ANO1: variants seen among roughly 807,000 people sequenced by gnomAD.
ANO1 encodes anoctamin-1.
Under a neutral mutation model 124.0 loss-of-function variants are expected in ANO1, and 59 were observed. The ratio of observed to expected loss-of-function variants is 0.48; its 90% CI spans 0.39 to 0.59. The LOEUF (loss-of-function observed/expected upper bound fraction) is 0.59. Ranked by LOEUF, ANO1 falls within the 20% of genes least tolerant of loss-of-function variation. The pLI is 0.00. For synonymous variants in ANO1, 529 were observed against 532.0 expected (o/e 0.99, Z 0.08); for missense variants, 1,059 against 1,328.0 (o/e 0.80, Z 3.15).
At chr11:70,147,526 C>T (rs2047431045) in intron 11 of ANO1, among the ~76,000 whole-genome samples, 1 of 152,254 alleles carries the variant, frequency 6.6e-6, no homozygotes, top group Admixed American at 6.5e-5. Context: ...GCCATTCCCT[C>T]ACCTGCTCAG....
At position 70,174,097 on chromosome 11, in the gene ANO1, G is replaced by C. The variant is rs561013437; in HGVS notation, c.2350+3058G>C. On this transcript the variant is annotated intron_variant, in intron 22 of 25. Coordinates refer to ENST00000355303, the MANE Select transcript of ANO1 (RefSeq NM_018043.7). ...ACTACAGGTGCCCGCCACCACGCTTGGCTGATTTTTTTGTATTTTTTTAGT... is the reference window on the plus strand; with the variant it reads ...ACTACAGGTGCCCGCCACCACGCTTCGCTGATTTTTTTGTATTTTTTTAGT... Among the ~76,000 whole-genome samples, 334 of 150,994 alleles carry C rather than the reference G, an allele frequency of 2.2e-3. 1 individual carries two copies. Among genetic ancestry groups the C allele is most frequent in the Middle Eastern group, 0.01 (3 of 294 alleles).
rs1193449991 is a variant in ANO1, at chr11:70,032,542, G to GA, written c.59-46000_59-45999insA. Among the ~76,000 whole-genome samples, 4 of 151,504 alleles carry GA rather than the reference G, an allele frequency of 2.6e-5. No homozygotes were observed. In the South Asian group the frequency reaches 8.4e-4, roughly 32 times the overall value. Reference sequence around the variant, plus strand: ...AGCAGAGGGAGGCGGGAGAGGGGGGGGGTCTCTGAAGGGTAGAATCCGCAG... The same window carrying GA: ...AGCAGAGGGAGGCGGGAGAGGGGGGGAGGTCTCTGAAGGGTAGAATCCGCAG... On this transcript the variant is annotated intron_variant, in intron 1 of 27. Coordinates refer to the ANO1 transcript ENST00000531349.
intron 1 of ANO1, among the ~76,000 whole-genome samples, chr11:70,063,219 G>A (rs537897577): frequency 6.6e-5 from 10 of 152,190 alleles, no homozygotes; most frequent in Non-Finnish European, 8.8e-5. Flanking sequence ...GCGCCCAGCC[G>A]ATAATGATTT....
At position 70,154,322 on chromosome 11, in the gene ANO1, G is replaced by A. The variant is rs1179613390; in HGVS notation, c.1425+1194G>A. Among the ~76,000 whole-genome samples, 15 of 152,188 alleles carry A rather than the reference G, an allele frequency of 9.9e-5. No individual in the cohort carries two copies. The South Asian group carries it at 1.5e-3, about 15-fold the overall frequency. Reference sequence around the variant, plus strand: ...CAGTGCTCACAGGTCCAAAGTGGCCGGGGGTTACAGTTGCCAAAATCCCAT... The same window carrying A: ...CAGTGCTCACAGGTCCAAAGTGGCCAGGGGTTACAGTTGCCAAAATCCCAT... On this transcript the variant is annotated intron_variant, in intron 14 of 25. Coordinates refer to ENST00000355303, the MANE Select transcript of ANO1 (RefSeq NM_018043.7).
intron 11 of ANO1, among the ~76,000 whole-genome samples, chr11:70,140,863 C>T (rs547004726): frequency 4.6e-5 from 7 of 152,288 alleles, no homozygotes; most frequent in Admixed American, 3.9e-4. Flanking sequence ...CAATCTGTCC[C>T]TTAATGTAAA....
At chr11:70,137,533 G>A (rs2046996958) in intron 11 of ANO1, among the ~76,000 whole-genome samples, 1 of 144,266 alleles carries the variant, frequency 6.9e-6, no homozygotes, top group African/African-American at 2.4e-5. Flanking sequence ...GACCCAGGAG[G>A]CTGTGACTCC....
At position 70,087,998 on chromosome 11, in the gene ANO1, T is replaced by C; in HGVS notation, c.355T>C (p.Tyr119His). 1 of 1,556,544 alleles carries C rather than the reference T, an allele frequency of 6.4e-7. No homozygotes were observed. The highest frequency in any genetic ancestry group is 1.2e-5 in the South Asian group (1 of 82,584). ...AGGCTCGGGGGAGCCCCCGATGGAC[T>C]ACCACGAGGATGACAAGCGCTTCCG... ...DAGSGEPPMDYHEDDKRFRRE... is the reference protein window; with the variant it reads ...DAGSGEPPMDHHEDDKRFRRE... The change falls in exon 2 of 26, where the codon TAC (tyrosine) becomes CAC (histidine). Residue 119 changes from tyrosine (Y) to histidine (H), a missense_variant. Coordinates refer to ENST00000355303, the MANE Select transcript of ANO1 (RefSeq NM_018043.7).
intron 8 of ANO1, among the ~76,000 whole-genome samples, chr11:70,122,513 A>C (rs1209509787): frequency 2.8e-3 from 177 of 62,822 alleles, no homozygotes; most frequent in Admixed American, 5.0e-3. Flanking sequence ...CGTCTCCCTC[A>C]CCTCTCTCTG....
upstream of ANO1, among the ~76,000 whole-genome samples, chr11:69,984,404 G>A (rs1312343510): frequency 1.0e-5 from 1 of 95,592 alleles, no homozygotes; most frequent in African/African-American, 3.6e-5. Context: ...TTCTGAGTCC[G>A]GACTGAAACG....
chr11:70,181,326 G>A (rs2048920755), intron 23 of ANO1, among the ~76,000 whole-genome samples: 1 of 152,174 alleles, frequency 6.6e-6, no homozygotes, highest in Admixed American at 6.5e-5. Flanking sequence ...CCCACAGAGG[G>A]CAGGGGGTGA....
intron 1 of ANO1, among the ~76,000 whole-genome samples, chr11:69,996,715 G>A (rs12284684): frequency 0.1 from 15,896 of 152,188 alleles, 957 homozygotes; most frequent in South Asian, 0.18. Context: ...CTGGCTCCAA[G>A]TCCAGCATTC....
chr11:70,124,537 C>T (rs1457713224), intron 9 of ANO1, 123 bp downstream of exon 9: 2 of 978,138 alleles, frequency 2.0e-6, no homozygotes, highest in East Asian at 2.6e-5. Flanking sequence ...ACTCAAAGAG[C>T]TTGTGTAGGA....
intron 1 of ANO1, among the ~76,000 whole-genome samples, chr11:70,049,855 G>C (rs1381959170): frequency 6.6e-6 from 1 of 152,150 alleles, no homozygotes; most frequent in East Asian, 1.9e-4. Flanking sequence ...TGAGTAGCTA[G>C]GATTTCAGGT....
In ANO1 at chr11:70,018,901, A is replaced by G. The variant is rs1191956739; in HGVS notation, c.58+32735A>G. 2.0e-5 allele frequency among the ~76,000 whole-genome samples: 3 copies of G among 152,220 alleles called. No individual in the cohort carries two copies. The East Asian group carries it at 5.8e-4, about 29-fold the overall frequency. On this transcript the variant is annotated intron_variant, in intron 1 of 27. Transcript: ENST00000531349. ...GGAGCTCAGTACCGGGGACATGGCC[A>G]AAAATAGGCAGCCTCAGTCTCAGCT... is the stretch of plus-strand genomic sequence containing the variant.
chr11:70,089,449 T>A (rs11233665), intron 2 of ANO1, among the ~76,000 whole-genome samples: 95,221 of 151,424 alleles, frequency 0.63, 30,055 homozygotes, highest in East Asian at 0.73. Context: ...TTCCTTGAAA[T>A]CAATGGAACG....
At chr11:70,106,065 G>C (rs545329638) in intron 5 of ANO1, among the ~76,000 whole-genome samples, 1 of 152,286 alleles carries the variant, frequency 6.6e-6, no homozygotes, top group East Asian at 1.9e-4. Flanking sequence ...GGTGTTTCTG[G>C]ATCTGTGCAG....
rs138521327 is a variant in ANO1 at position 70,139,599 on chromosome 11, C to T, written c.1258+7520C>T. 4.8e-4 allele frequency among the ~76,000 whole-genome samples: 73 copies of T among 152,298 alleles called. 1 individual carries two copies. The East Asian group carries it at 0.012, about 26-fold the overall frequency. ...TCAGCCTCCCAAAGTGCTGGGATTA[C>T]AGGTGTAAGCCACCACGCCCGGCCT... On this transcript the variant is annotated intron_variant, in intron 11 of 25. Transcript: ENST00000355303.
chr11:70,150,217 C>T (rs551455131), intron 12 of ANO1, among the ~76,000 whole-genome samples: 8 of 152,304 alleles, frequency 5.3e-5, no homozygotes, highest in African/African-American at 1.7e-4. Flanking sequence ...GCCAAACCCA[C>T]GTTCCCTGGA....
intron 1 of ANO1, among the ~76,000 whole-genome samples, chr11:70,025,177 C>T (rs766730697): frequency 1.3e-5 from 2 of 152,168 alleles, no homozygotes; most frequent in Admixed American, 6.5e-5. Context: ...AGCTGGATGA[C>T]GTTGGGCAAG....
Sources: allele counts gnomAD v4.1 joint callset (sites outside exome capture counted in the v4.1 genomes callset), GRCh38; gene constraint gnomAD v4.1.1; transcripts MANE v1.5; gene names NCBI Gene and HGNC (gene_info 2026-07-23, HGNC 2026-07-21).